Variants in SLC10A7 observed in about 807,000 individuals in gnomAD.
SLC10A7 encodes solute carrier family 10 member 7.
A neutral mutation model predicts 43.2 loss-of-function variants in SLC10A7; 29 were observed. That is an observed-to-expected ratio of 0.67 (90% CI 0.50 to 0.92). The LOEUF is 0.92. SLC10A7 is among the 40% of genes least tolerant of loss of function. SLC10A7 has a pLI of 0.00. For missense variants in SLC10A7, 295 were observed against 403.2 expected, an observed-to-expected ratio of 0.73 and a Z score of 2.30; for synonymous variants, 152 against 144.8, an observed-to-expected ratio of 1.05 and a Z score of -0.35.
Position 146,382,656 on chromosome 4 carries a change from C to G in SLC10A7, c.436-56660G>C, listed in dbSNP as rs531579570. Among the ~76,000 whole-genome samples, 31 of 152,234 alleles carry G rather than the reference C, an allele frequency of 2.0e-4. No homozygotes were observed. The East Asian group carries it at 6.0e-3, about 29-fold the overall frequency. On this transcript the variant is annotated intron_variant, in intron 5 of 11. Coordinates refer to ENST00000335472, the MANE Select transcript of SLC10A7 (RefSeq NM_001029998.6). ...CAGAAGATGCTCATGATGGACTGAG[C>G]AGTTCTAAGCATGAAGGGCTTTTTA...
At chr4:146,355,819 C>G (rs1297486141) in intron 5 of SLC10A7, among the ~76,000 whole-genome samples, 12 of 131,102 alleles carry the variant, frequency 9.2e-5, no homozygotes, top group Non-Finnish European at 1.5e-4. Context: ...TATTCTCACT[C>G]ATAGGTAGGA....
At position 146,476,114 on chromosome 4, in the gene SLC10A7, T is replaced by C. The variant is rs116350286; in HGVS notation, c.396+27735A>G. 1.2e-3 allele frequency among the ~76,000 whole-genome samples: 190 copies of C among 152,020 alleles called. 1 individual carries two copies. Among genetic ancestry groups the C allele is most frequent in the Non-Finnish European group, 2.3e-3 (154 of 67,938 alleles). ...CACCTAAAAGATGAAGAAAACTAAATAAAACATGAGAAGGTAGAGGAGGAG... is the reference window on the plus strand; with the variant it reads ...CACCTAAAAGATGAAGAAAACTAAACAAAACATGAGAAGGTAGAGGAGGAG... On this transcript the variant is annotated intron_variant, in intron 4 of 11. Coordinates refer to ENST00000335472, the MANE Select transcript of SLC10A7 (RefSeq NM_001029998.6).
At chr4:146,337,866 CAG>C (rs1274283672) in intron 5 of SLC10A7, among the ~76,000 whole-genome samples, 1 of 151,662 alleles carries the variant, frequency 6.6e-6, no homozygotes. Flanking sequence ...ATTTAAGAAA[CAG>C]ATTGTAGAAA....
chr4:146,510,698 T>C (rs1579379295), intron 2 of SLC10A7, among the ~76,000 whole-genome samples: 1 of 152,300 alleles, frequency 6.6e-6, no homozygotes, highest in Non-Finnish European at 1.5e-5. Flanking sequence ...TTGAACAACG[T>C]GCATGTATGT....
At chr4:146,328,811 T>C (rs539626221) in intron 5 of SLC10A7, among the ~76,000 whole-genome samples, 10 of 152,136 alleles carry the variant, frequency 6.6e-5, no homozygotes, top group East Asian at 3.9e-4. Flanking sequence ...GATATATCTA[T>C]AGGAAAAATT....
intron 1 of SLC10A7, among the ~76,000 whole-genome samples, chr4:146,517,397 AG>A: frequency 1.3e-5 from 2 of 152,228 alleles, no homozygotes; most frequent in Non-Finnish European, 2.9e-5. Context: ...CAGGAGGCAG[AG>A]GTTGCAGTGA....
intron 5 of SLC10A7, among the ~76,000 whole-genome samples, chr4:146,331,117 C>T (rs977071524): frequency 2.6e-5 from 4 of 152,104 alleles, no homozygotes; most frequent in African/African-American, 9.7e-5. Context: ...TCAGTTCCTC[C>T]ACTGTTCCTC....
At chr4:146,490,332 G>A (rs1317462922) in intron 4 of SLC10A7, among the ~76,000 whole-genome samples, 10 of 152,100 alleles carry the variant, frequency 6.6e-5, no homozygotes, top group African/African-American at 2.4e-4. Context: ...TTTTGACAAA[G>A]ACTCACTGTA....
At chr4:146,451,246 A>C (rs1451640319) in intron 4 of SLC10A7, among the ~76,000 whole-genome samples, 12 of 149,562 alleles carry the variant, frequency 8.0e-5, no homozygotes, top group African/African-American at 2.0e-4. Flanking sequence ...AAAAAAAAAA[A>C]AAAACAAAAA....
At chr4:146,313,147 A>G (rs1253938711) in intron 6 of SLC10A7, among the ~76,000 whole-genome samples, 1 of 152,052 alleles carries the variant, frequency 6.6e-6, no homozygotes, top group African/African-American at 2.4e-5. Context: ...TGTCTTTCCA[A>G]CTCTGGATTG....
rs572316282 is a variant in SLC10A7, at chr4:146,305,847, C to T, written c.555+79G>A. On this transcript the variant is annotated intron_variant, in intron 7 of 11. Transcript: ENST00000335472. ...TATCTCCTCCCTCTGAATATCCTTT[C>T]TCTCAACTGCTCTGACATTATGTAA... 48 of 1,245,496 alleles carry T rather than the reference C, an allele frequency of 3.9e-5. No homozygotes were observed. The South Asian group carries it at 7.1e-4, about 18-fold the overall frequency. 77.2% of individuals were successfully genotyped at this position (1,245,496 alleles called of 1,614,324 possible).
chr4:146,508,810 C>T (rs973412132), intron 3 of SLC10A7, among the ~76,000 whole-genome samples: 4 of 152,174 alleles, frequency 2.6e-5, no homozygotes, highest in Admixed American at 2.6e-4. Context: ...GACCACATCA[C>T]TCTCTCATTC....
At position 146,397,982 on chromosome 4, in the gene SLC10A7, G is replaced by A. The variant is rs138971454; in HGVS notation, c.435+44801C>T. ...GACATGAAGTTGTAAAGCAAAGTTC[G>A]CTCTTCAGGCAGCCCAGGTATATAT... On this transcript the variant is annotated intron_variant, in intron 5 of 11. Transcript: ENST00000335472. Among the ~76,000 whole-genome samples the A allele has an allele frequency of 1.4e-3, 206 of 152,282 alleles. 2 individuals carry two copies. Among genetic ancestry groups the A allele is most frequent in the Middle Eastern group, 6.8e-3 (2 of 292 alleles).
intron 10 of SLC10A7, among the ~76,000 whole-genome samples, chr4:146,275,851 T>A (rs975432061): frequency 6.6e-6 from 1 of 150,754 alleles, no homozygotes; most frequent in South Asian, 2.2e-4. Context: ...ACCTACCCTA[T>A]AAAATGGCAG....
chr4:146,378,616 C>T (rs150385729), intron 5 of SLC10A7, among the ~76,000 whole-genome samples: 41 of 152,140 alleles, frequency 2.7e-4, no homozygotes, highest in Admixed American at 1.0e-3. Context: ...ATAGATTTTA[C>T]GACATGTCTA....
At chr4:146,446,957 T>G (rs192471430) in intron 4 of SLC10A7, among the ~76,000 whole-genome samples, 43 of 152,246 alleles carry the variant, frequency 2.8e-4, no homozygotes, top group Non-Finnish European at 4.4e-4. Context: ...AGTTATTTTA[T>G]GTGTTTGGCA....
intron 5 of SLC10A7, among the ~76,000 whole-genome samples, chr4:146,386,629 C>A (rs370837280): frequency 1.3e-5 from 2 of 152,180 alleles, no homozygotes; most frequent in African/African-American, 4.8e-5. Flanking sequence ...GAACTCTCAG[C>A]ACTTTCTATA....
intron 7 of SLC10A7, among the ~76,000 whole-genome samples, chr4:146,297,414 T>C (rs1730856802): frequency 6.6e-6 from 1 of 152,200 alleles, no homozygotes; most frequent in South Asian, 2.1e-4. Flanking sequence ...CCTGTAAAAA[T>C]GACATGTCTT....
intron 4 of SLC10A7, among the ~76,000 whole-genome samples, chr4:146,449,248 G>T (rs1194083327): frequency 6.6e-6 from 1 of 152,174 alleles, no homozygotes; most frequent in Non-Finnish European, 1.5e-5. Context: ...AAACAGCAAA[G>T]GTGAGGGGCT....
Sources: gnomAD v4.1 joint callset for allele counts (sites outside exome capture counted in the v4.1 genomes callset) on GRCh38, gnomAD v4.1.1 for gene constraint, MANE v1.5 for transcripts, NCBI Gene and HGNC (gene_info 2026-07-23, HGNC 2026-07-21) for gene names.